UHRF2: variants seen among roughly 807,000 people sequenced by gnomAD.
UHRF2 encodes the protein ubiquitin like with PHD and ring finger domains 2.
UHRF2 carries 23 observed loss-of-function variants against 96.8 expected under a neutral mutation model. That is an observed-to-expected ratio of 0.24 (90% confidence interval 0.17 to 0.34). The LOEUF is 0.34. Among genes scored for constraint, UHRF2 ranks in the 10% least tolerant of loss-of-function variants. The probability of loss-of-function intolerance (pLI) is 1.00; values close to 1 mark genes in which losing one functional copy is unlikely to be tolerated. For synonymous variants in UHRF2, 385 were observed against 332.6 expected, an observed-to-expected ratio of 1.16 and a Z score of -1.72; for missense variants, 685 against 981.5, an observed-to-expected ratio of 0.70 and a Z score of 4.04.
At position 6,475,466 on chromosome 9, in the gene UHRF2, C is replaced by G. The variant is rs1397793303; in HGVS notation, c.939C>G (p.Ala313=). 5 of 1,595,748 alleles carry G rather than the reference C, an allele frequency of 3.1e-6. No homozygotes were observed. The highest frequency in any genetic ancestry group is 4.3e-6 in the Non-Finnish European group (5 of 1,170,540). The change falls in exon 5 of 16, where the codon GCC becomes GCG. Residue 313 remains alanine, a synonymous_variant. Coordinates refer to ENST00000276893, the MANE Select transcript of UHRF2 (RefSeq NM_152896.3). ...TCTTCAAGATTGAGAGACCTGGAGC[C>G]CATCCCCTTTCATTTGCAGATGGAA... ...DEIFKIERPG[A]HPLSFADGKF... is the part of the protein sequence containing the mutation.
chr9:6,413,238 C>G lies in UHRF2; in HGVS notation c.-253C>G, dbSNP rs780783949. 1 of 182,320 alleles carries G rather than the reference C, an allele frequency of 5.5e-6. No homozygotes were observed. Among genetic ancestry groups the G allele is most frequent in the Non-Finnish European group, 1.1e-5 (1 of 88,464 alleles). 11.3% of individuals were successfully genotyped at this position (182,320 alleles called of 1,614,324 possible). A position where few individuals can be genotyped will look rare whatever the true frequency, so the allele number is the denominator to read the frequency against. ...TGCGCGGCGCAGACATGGCCTCTTCCTATCTTTGAGGCGGTGTCTGCGGCA... is the reference window on the plus strand; with the variant it reads ...TGCGCGGCGCAGACATGGCCTCTTCGTATCTTTGAGGCGGTGTCTGCGGCA... On this transcript the variant is annotated 5_prime_UTR_variant, in exon 1 of 16. Transcript: ENST00000276893.
At chr9:6,422,643 T>C (rs1812996339) in intron 2 of UHRF2, 5 of 651,244 alleles carry the variant, frequency 7.7e-6, no homozygotes, top group Admixed American at 2.2e-5. Flanking sequence ...AGGGTCTGGC[T>C]CTGTCACCCA....
intron 9 of UHRF2, among the ~76,000 whole-genome samples, chr9:6,489,728 G>GTTT (rs34069701): frequency 3.5e-5 from 4 of 114,746 alleles, no homozygotes; most frequent in Admixed American, 8.4e-5. Flanking sequence ...TTGGGTTTTT[G>GTTT]TTTTTTTTTT....
In UHRF2 at chr9:6,482,028, A is replaced by G. The variant is rs1432256637; in HGVS notation, c.1321A>G (p.Ile441Val). 5.0e-6 allele frequency: 8 copies of G among 1,613,772 alleles called. No individual in the cohort carries two copies. Among genetic ancestry groups the G allele is most frequent in the Middle Eastern group, 1.6e-4 (1 of 6,082 alleles). The change falls in exon 8 of 16, where the codon ATT (isoleucine) becomes GTT (valine). Residue 441 changes from isoleucine (I) to valine (V), a missense_variant. By Grantham distance (29) the Ile-to-Val change is conservative. Around this residue, in one of 6 missense-constraint regions of UHRF2, gnomAD observed 73 missense variants for 283.7 expected, o/e 0.26. Transcript: ENST00000276893. ...ACVGRTRECT[I>V]VPSNHYGPIP... ...TGTTGGTCGTACGAGAGAATGTACT[A>G]TTGTCCCTTCTAATCATTATGGACC...
chr9:6,478,056 A>T (rs1299733792), intron 6 of UHRF2, among the ~76,000 whole-genome samples: 3 of 152,150 alleles, frequency 2.0e-5, no homozygotes, highest in Non-Finnish European at 4.4e-5. Context: ...CAAAAATGCA[A>T]ATCTGATCAT....
chr9:6,442,462 G>C (rs1329632722), intron 3 of UHRF2, among the ~76,000 whole-genome samples: 4 of 12,104 alleles, frequency 3.3e-4, no homozygotes, highest in Non-Finnish European at 6.0e-4. Context: ...GTTTTGTTTT[G>C]TTTTGTTTTG....
intron 3 of UHRF2, among the ~76,000 whole-genome samples, chr9:6,446,162 T>C (rs1821489203): frequency 6.7e-6 from 1 of 149,722 alleles, no homozygotes; most frequent in South Asian, 2.1e-4. Flanking sequence ...CTGGATAATT[T>C]TTTTTTTTTT....
At chr9:6,465,675 G>A (rs1822818531) in intron 4 of UHRF2, among the ~76,000 whole-genome samples, 1 of 152,076 alleles carries the variant, frequency 6.6e-6, no homozygotes, top group African/African-American at 2.4e-5. Context: ...CTCATCAGAG[G>A]TTTATCGGTT....
chr9:6,493,723 G>C (rs1429787856), intron 9 of UHRF2, 103 bp from the exon 10 acceptor site: 1 of 988,462 alleles, frequency 1.0e-6, no homozygotes, highest in Non-Finnish European at 1.5e-6. Context: ...AAGAGAAAAT[G>C]TCAACTCATA....
At position 6,477,645 on chromosome 9, in the gene UHRF2, C is replaced by T; in HGVS notation, c.997C>T (p.Leu333=). 6.2e-7 allele frequency: 1 copy of T among 1,612,090 alleles called. No homozygotes were observed. The highest frequency in any genetic ancestry group is 8.5e-7 in the Non-Finnish European group (1 of 1,179,042). Residue 333 remains leucine, a synonymous_variant, in exon 6 of 16, where the codon CTG becomes TTG. Transcript: ENST00000276893. The part of the protein sequence containing the change: ...FLRRNDPECD[L]CGGDPEKKCH... ...AGGGCGAAATGACCCTGAATGTGAC[C>T]TGTGTGGTGGAGACCCAGAAAAGAA...
At position 6,499,904 on chromosome 9, in the gene UHRF2, G is replaced by A. The variant is rs746266828; in HGVS notation, c.1978G>A (p.Gly660Arg). 47 of 1,611,114 alleles carry A rather than the reference G, an allele frequency of 2.9e-5. No homozygotes were observed. Among genetic ancestry groups the A allele is most frequent in the Non-Finnish European group, 3.5e-5 (41 of 1,178,406 alleles). Residue 660 changes from glycine (G) to arginine (R), a missense_variant, in exon 13 of 16, where the codon GGA becomes AGA. This residue lies in a region of UHRF2 where 99 missense variants were observed against 73.5 expected (regional missense o/e 1.35). Coordinates refer to ENST00000276893, the MANE Select transcript of UHRF2 (RefSeq NM_152896.3). ...PKGQSKKQPSGTTKRPISDDD... is the reference protein window; with the variant it reads ...PKGQSKKQPSRTTKRPISDDD... Reference sequence around the variant, plus strand: ...AGGACAGTCAAAGAAGCAGCCCAGTGGAACCACAAAAAGGCCAATTTCAGA... The same window carrying A: ...AGGACAGTCAAAGAAGCAGCCCAGTAGAACCACAAAAAGGCCAATTTCAGA...
chr9:6,469,465 C>A (rs567309873), intron 4 of UHRF2, among the ~76,000 whole-genome samples: 1 of 151,856 alleles, frequency 6.6e-6, no homozygotes, highest in Non-Finnish European at 1.5e-5. Context: ...TTGCAGTGAG[C>A]CAAGATTGCG....
chr9:6,430,506 C>T (rs1468242180), intron 2 of UHRF2, among the ~76,000 whole-genome samples: 1 of 152,098 alleles, frequency 6.6e-6, no homozygotes, highest in African/African-American at 2.4e-5. Context: ...GCCCTTTTTC[C>T]TAGAGCTAGC....
intron 8 of UHRF2, among the ~76,000 whole-genome samples, chr9:6,485,754 A>G (rs997070255): frequency 5.0e-5 from 7 of 140,718 alleles, no homozygotes; most frequent in Non-Finnish European, 6.1e-5. Context: ...GCTTGAGCCC[A>G]GGAGTTCAAG....
chr9:6,432,256 A>G (rs1364378869), intron 2 of UHRF2, among the ~76,000 whole-genome samples: 1 of 152,170 alleles, frequency 6.6e-6, no homozygotes, highest in Non-Finnish European at 1.5e-5. Context: ...CATTGCTACC[A>G]TGTTCATTAC....
intron 3 of UHRF2, among the ~76,000 whole-genome samples, chr9:6,447,899 G>A (rs968414760): frequency 3.3e-5 from 5 of 152,208 alleles, no homozygotes; most frequent in Non-Finnish European, 7.3e-5. Flanking sequence ...TCACTAGGTA[G>A]TTTGGAGGAA....
At chr9:6,489,739 T>C (rs1824543262) in intron 9 of UHRF2, among the ~76,000 whole-genome samples, 1 of 151,650 alleles carries the variant, frequency 6.6e-6, no homozygotes. Flanking sequence ...TTTTTTTTTT[T>C]TTTTTTTACC....
At chr9:6,425,539 C>G (rs1358525608) in intron 2 of UHRF2, among the ~76,000 whole-genome samples, 1 of 151,470 alleles carries the variant, frequency 6.6e-6, no homozygotes, top group African/African-American at 2.4e-5. Flanking sequence ...TGGATCACTA[C>G]AGGTCAGGAG....
At chr9:6,415,544 C>T (rs1819551224) in intron 1 of UHRF2, 1 of 152,182 alleles carries the variant, frequency 6.6e-6, no homozygotes, top group Non-Finnish European at 1.5e-5. Context: ...ACTGGAATGG[C>T]ATCACAGAGA....
Sources: allele counts gnomAD v4.1 joint callset (sites outside exome capture counted in the v4.1 genomes callset), GRCh38; gene constraint gnomAD v4.1.1; regional missense constraint gnomAD v4.1.1; transcripts MANE v1.5; gene names NCBI Gene and HGNC (gene_info 2026-07-23, HGNC 2026-07-21).